SORBS2: variants seen among roughly 807,000 people sequenced by gnomAD.
SORBS2 encodes sorbin and SH3 domain containing 2.
In SORBS2, 46 loss-of-function variants were observed where a neutral mutation model predicts 97.7. The observed-to-expected ratio is 0.47, with a 90% CI of 0.37 to 0.60. The LOEUF (loss-of-function observed/expected upper bound fraction) is 0.60. Among genes scored for constraint, SORBS2 ranks in the 20% least tolerant of loss-of-function variants. The pLI, the probability that SORBS2 is intolerant of heterozygous loss-of-function variation, is 0.00. For synonymous variants in SORBS2, 476 were observed against 473.4 expected, an observed-to-expected ratio of 1.01 and a Z score of -0.07; for missense variants, 1,316 against 1,282.3, an observed-to-expected ratio of 1.03 and a Z score of -0.40.
At chr4:185,929,532 T>G (rs1268009417) in intron 1 of SORBS2, among the ~76,000 whole-genome samples, 2 of 73,054 alleles carry the variant, frequency 2.7e-5, no homozygotes, top group African/African-American at 1.0e-4. Flanking sequence ...TTTGTTGGGT[T>G]TTTTTTTTTT....
chr4:185,843,903 G>A (rs1179053189), intron 1 of SORBS2, among the ~76,000 whole-genome samples: 2 of 152,310 alleles, frequency 1.3e-5, no homozygotes, highest in East Asian at 3.9e-4. Context: ...AAAGAAAGTA[G>A]AATAGCCTAA....
Position 185,607,269 on chromosome 4 carries a change from G to A in SORBS2, c.2796+4511C>T. The stretch of plus-strand genomic sequence containing the variant: ...AGGCTGTCAGGGACAACCAGCCCTG[G>A]CCAGTTCCCTGGAGAGCTCCTTTAT... On this transcript the variant is annotated intron_variant, in intron 12 of 14. Coordinates refer to ENST00000418609, the Ensembl canonical transcript of SORBS2. The surrounding 1 kb of genome is among the most constrained non-coding windows in gnomAD (Gnocchi z 5.2). 1 of 1,270,536 alleles carries A rather than the reference G, an allele frequency of 7.9e-7. No homozygotes were observed. Among genetic ancestry groups the A allele is most frequent in the East Asian group, 6.1e-5 (1 of 16,408 alleles). 78.7% of individuals were successfully genotyped at this position (1,270,536 alleles called of 1,614,324 possible).
chr4:185,656,872 G>A (rs2097415478), exon 1 of SORBS2: 1 of 1,293,842 alleles, frequency 7.7e-7, no homozygotes, highest in African/African-American at 1.5e-5. Flanking sequence ...CACGGCTGAA[G>A]AGGGACATTA....
chr4:185,717,463 C>T (rs746534288), intron 2 of SORBS2, among the ~76,000 whole-genome samples: 1 of 152,198 alleles, frequency 6.6e-6, no homozygotes, highest in Non-Finnish European at 1.5e-5. Context: ...CTGTGTGCAA[C>T]GCGTATTATT....
chr4:185,615,209 C>A, intron 9 of SORBS2, 50 bp from the exon 22 acceptor site: 5 of 1,096,206 alleles, frequency 4.6e-6, no homozygotes, highest in South Asian at 2.5e-5. Context: ...AGCAATAATT[C>A]TCAAGATCAA....
At chr4:185,677,712 A>G in intron 4 of SORBS2, 1 of 1,258,834 alleles carries the variant, frequency 7.9e-7, no homozygotes, top group Non-Finnish European at 1.1e-6. Context: ...TTAGTCATGA[A>G]AGAAACCAGT....
chr4:185,639,029 G>C, intron 4 of SORBS2: 1 of 1,515,010 alleles, frequency 6.6e-7, no homozygotes, highest in Non-Finnish European at 8.8e-7. Context: ...GTTGTTGGGA[G>C]AGGGGGCTGC....
intron 1 of SORBS2, chr4:185,933,217 T>C (rs545463656): frequency 1.3e-5 from 2 of 152,368 alleles, no homozygotes; most frequent in Admixed American, 1.3e-4. Context: ...CAGTTTCATA[T>C]GTTGGTAAAA....
chr4:185,764,897 G>T (rs1036297323), intron 2 of SORBS2, among the ~76,000 whole-genome samples: 2 of 152,116 alleles, frequency 1.3e-5, no homozygotes, highest in Non-Finnish European at 2.9e-5. Flanking sequence ...ACCATTATCT[G>T]AATGTAATAT....
chr4:185,592,265 A>C (rs1193056452), intron 13 of SORBS2, among the ~76,000 whole-genome samples: 2 of 152,228 alleles, frequency 1.3e-5, no homozygotes, highest in African/African-American at 4.8e-5. Flanking sequence ...TTTAAATGAA[A>C]GCAACTAAGC....
At chr4:185,838,033 A>G (rs535566786) in intron 1 of SORBS2, among the ~76,000 whole-genome samples, 1 of 152,306 alleles carries the variant, frequency 6.6e-6, no homozygotes, top group South Asian at 2.1e-4. Context: ...CTGAAGTTCT[A>G]CAGCTTCTTT....
At chr4:185,843,205 G>T (rs1271989957) in intron 1 of SORBS2, among the ~76,000 whole-genome samples, 2 of 152,156 alleles carry the variant, frequency 1.3e-5, no homozygotes, top group Non-Finnish European at 2.9e-5. Context: ...GATTCAATGG[G>T]AATCCGGAGA....
intron 2 of SORBS2, chr4:185,772,995 T>A (rs2098980102): frequency 6.6e-6 from 1 of 151,914 alleles, no homozygotes; most frequent in African/African-American, 2.4e-5. Flanking sequence ...CACCTGAAGT[T>A]TCACATTCAA....
chr4:185,893,933 C>T (rs781213382), intron 1 of SORBS2, among the ~76,000 whole-genome samples: 1 of 152,130 alleles, frequency 6.6e-6, no homozygotes, highest in East Asian at 1.9e-4. Flanking sequence ...CATGAGTTAA[C>T]CTTTCCTAGA....
At chr4:185,750,268 T>G (rs1359862671) in intron 2 of SORBS2, among the ~76,000 whole-genome samples, 1 of 152,242 alleles carries the variant, frequency 6.6e-6, no homozygotes, top group East Asian at 1.9e-4. Context: ...ATACCAATTA[T>G]GAACAAATTG....
At chr4:185,880,551 G>A (rs1026915776) in intron 1 of SORBS2, among the ~76,000 whole-genome samples, 2 of 152,186 alleles carry the variant, frequency 1.3e-5, no homozygotes, top group Non-Finnish European at 2.9e-5. Flanking sequence ...TGTCTTGAAA[G>A]CATATTTTTA....
At chr4:185,763,240 C>A (rs765210924) in intron 2 of SORBS2, among the ~76,000 whole-genome samples, 16 of 152,040 alleles carry the variant, frequency 1.1e-4, no homozygotes, top group Admixed American at 3.9e-4. Context: ...ATCACTCTGA[C>A]CTTCCTTCTG....
chr4:185,944,768 T>C (rs964664067), intron 1 of SORBS2, among the ~76,000 whole-genome samples: 2 of 152,182 alleles, frequency 1.3e-5, no homozygotes, highest in Admixed American at 1.3e-4. Flanking sequence ...TCTGTGAAAG[T>C]CATTTGTAGG....
intron 1 of SORBS2, chr4:185,656,558 G>C: frequency 7.7e-7 from 1 of 1,305,222 alleles, no homozygotes. Context: ...CTTTACATGG[G>C]TCTTGCTGCA....
Sources: gnomAD v4.1 joint callset for allele counts (sites outside exome capture counted in the v4.1 genomes callset) on GRCh38, gnomAD v4.1.1 for gene constraint, Gnocchi (gnomAD v3.1) non-coding constraint, MANE v1.5 for transcripts, NCBI Gene and HGNC (gene_info 2026-07-23, HGNC 2026-07-21) for gene names.